The following ADGRL4 variants were observed in gnomAD, a reference collection of about 807,000 sequenced individuals.
The protein encoded by ADGRL4 is adhesion G protein-coupled receptor L4.
ADGRL4 carries 90 observed loss-of-function variants against 74.8 expected under a neutral mutation model. That is an observed-to-expected ratio of 1.20 (90% CI 1.02 to 1.43). The LOEUF is 1.43. Ranked by LOEUF, ADGRL4 falls within the 40% of genes most tolerant of loss-of-function variation. The pLI is 0.00. For synonymous variants in ADGRL4, 311 were observed against 279.2 expected, an observed-to-expected ratio of 1.11 and a Z score of -1.14; for missense variants, 881 against 814.3, an observed-to-expected ratio of 1.08 and a Z score of -1.00.
At chr1:78,938,936 G>T (rs923144153) in intron 4 of ADGRL4, among the ~76,000 whole-genome samples, 2 of 152,030 alleles carry the variant, frequency 1.3e-5, no homozygotes, top group African/African-American at 4.8e-5. Context: ...TACACAAAAA[G>T]AATTTTCCAA....
chr1:78,949,947 G>A (rs1649687344), intron 2 of ADGRL4, among the ~76,000 whole-genome samples: 1 of 152,114 alleles, frequency 6.6e-6, no homozygotes, highest in African/African-American at 2.4e-5. Flanking sequence ...GATACGCTGA[G>A]TTAAGCACGG....
At chr1:78,899,551 C>T (rs866230649) in intron 12 of ADGRL4, among the ~76,000 whole-genome samples, 20 of 152,198 alleles carry the variant, frequency 1.3e-4, no homozygotes, top group Admixed American at 6.6e-4. Flanking sequence ...GATGGGGTTT[C>T]GCCATATTGC....
chr1:78,952,116 T>A lies in ADGRL4; in HGVS notation c.173-5690A>T, dbSNP rs558145211. On this transcript the variant is annotated intron_variant, in intron 2 of 14. Coordinates refer to ENST00000370742, the MANE Select transcript of ADGRL4 (RefSeq NM_022159.4). ...AAAGAAAAAAGAATCGTCTTTTTTT[T>A]ATCACTTGAGATATTATTGGCCGGG... is the stretch of plus-strand genomic sequence containing the variant. Among the ~76,000 whole-genome samples, 5 of 152,216 alleles carry A rather than the reference T, an allele frequency of 3.3e-5. No individual in the cohort carries two copies. In the South Asian group the frequency reaches 6.2e-4, roughly 19 times the overall value.
intron 7 of ADGRL4, among the ~76,000 whole-genome samples, chr1:78,932,606 A>G (rs1290294946): frequency 1.1e-5 from 1 of 88,534 alleles, no homozygotes; most frequent in Non-Finnish European, 2.4e-5. Flanking sequence ...AGACACAAAA[A>G]CCCCTCCAAA....
At chr1:79,002,486 G>A (rs1332835) in intron 2 of ADGRL4, among the ~76,000 whole-genome samples, 1 of 151,932 alleles carries the variant, frequency 6.6e-6, no homozygotes, top group Non-Finnish European at 1.5e-5. Context: ...AAGGCAATGG[G>A]AATTAAGTCA....
At chr1:78,905,811 C>T (rs1648622881) in intron 12 of ADGRL4, among the ~76,000 whole-genome samples, 1 of 151,930 alleles carries the variant, frequency 6.6e-6, no homozygotes, top group Non-Finnish European at 1.5e-5. Flanking sequence ...TCTTTAATAA[C>T]CTTCATAAAG....
intron 2 of ADGRL4, among the ~76,000 whole-genome samples, chr1:78,987,536 C>T (rs1233477971): frequency 6.6e-6 from 1 of 151,664 alleles, no homozygotes; most frequent in Non-Finnish European, 1.5e-5. Context: ...AGTTATTACT[C>T]AATCCACTGT....
At chr1:78,893,540 G>A (rs1218956051) in intron 12 of ADGRL4, among the ~76,000 whole-genome samples, 3 of 151,826 alleles carry the variant, frequency 2.0e-5, no homozygotes, top group African/African-American at 4.8e-5. Context: ...GAAGAAATGT[G>A]TTAGTGATAA....
At chr1:78,981,509 A>G (rs560568829) in intron 2 of ADGRL4, among the ~76,000 whole-genome samples, 123 of 152,032 alleles carry the variant, frequency 8.1e-4, no homozygotes, top group African/African-American at 2.8e-3. Context: ...GTTGATGAAG[A>G]TTATAGGAAT....
intron 2 of ADGRL4, among the ~76,000 whole-genome samples, chr1:78,977,324 A>G (rs889936058): frequency 6.6e-6 from 1 of 151,828 alleles, no homozygotes; most frequent in Non-Finnish European, 1.5e-5. Context: ...AATAGTGAAA[A>G]TTGAATCTGG....
In ADGRL4 at chr1:79,006,679, T is replaced by C; in HGVS notation, c.-25A>G. 1 of 1,483,818 alleles carries C rather than the reference T, an allele frequency of 6.7e-7. No homozygotes were observed. The allele number at this position is 1,483,818 out of a possible 1,614,324, so 91.9% of individuals were successfully genotyped here. A position where few individuals can be genotyped will look rare whatever the true frequency, so the allele number is the denominator to read the frequency against. On this transcript the variant is annotated 5_prime_UTR_variant, in exon 1 of 15. Coordinates refer to ENST00000370742, the MANE Select transcript of ADGRL4 (RefSeq NM_022159.4). ...TTGGCGGTGGCCGCAGTGGTGGCGG[T>C]GGCGGAGAGCGCGGCGGAGTGAGTG... is the stretch of plus-strand genomic sequence containing the variant.
At chr1:78,952,650 C>G (rs886317800) in intron 2 of ADGRL4, among the ~76,000 whole-genome samples, 10 of 152,072 alleles carry the variant, frequency 6.6e-5, no homozygotes, top group African/African-American at 2.4e-4. Flanking sequence ...ACTCACATTT[C>G]CTTGACCATG....
rs149510526 is a variant in ADGRL4, at chr1:78,997,007, T to G, written c.172+8063A>C. ...AAATGAAGCAGAGGTTCTGCAACAATGATTAGCAGGTATGGACTCCATTAC... is the reference window on the plus strand; with the variant it reads ...AAATGAAGCAGAGGTTCTGCAACAAGGATTAGCAGGTATGGACTCCATTAC... On this transcript the variant is annotated intron_variant, in intron 2 of 14. Transcript: ENST00000370742. 2.1e-3 allele frequency among the ~76,000 whole-genome samples: 314 copies of G among 152,264 alleles called. 4 individuals are homozygous for G. Among genetic ancestry groups the G allele is most frequent in the African/African-American group, 7.1e-3 (296 of 41,562 alleles).
rs945583128 is a variant in ADGRL4 at position 78,906,210 on chromosome 1, C to T, written c.1749+11424G>A. Among the ~76,000 whole-genome samples the T allele has an allele frequency of 3.9e-5, 6 of 151,956 alleles. No individual in the cohort carries two copies. The East Asian group carries it at 7.7e-4, about 19-fold the overall frequency. ...ATACTTGTCTATTAGGAAATTAATC[C>T]TCATGCTATAGCTTATAGCTAAATA... On this transcript the variant is annotated intron_variant, in intron 12 of 14. Transcript: ENST00000370742.
At chr1:78,992,332 TA>T (rs1288030614) in intron 2 of ADGRL4, among the ~76,000 whole-genome samples, 2 of 152,048 alleles carry the variant, frequency 1.3e-5, no homozygotes, top group African/African-American at 4.8e-5. Context: ...TAATATAAAT[TA>T]TGTATCTGAA....
At chr1:78,964,638 A>T (rs1164960094) in intron 2 of ADGRL4, among the ~76,000 whole-genome samples, 1 of 152,138 alleles carries the variant, frequency 6.6e-6, no homozygotes, top group Non-Finnish European at 1.5e-5. Context: ...TGTTTCATCA[A>T]TCATAGTAAA....
At chr1:78,962,410 TAA>T (rs1215508534) in intron 2 of ADGRL4, among the ~76,000 whole-genome samples, 6 of 152,160 alleles carry the variant, frequency 3.9e-5, no homozygotes, top group Non-Finnish European at 8.8e-5. Flanking sequence ...ATAAATATGG[TAA>T]GTTTTAGCCT....
rs555660663 is a variant in ADGRL4, at chr1:78,970,799, G to A, written c.173-24373C>T. On this transcript the variant is annotated intron_variant, in intron 2 of 14. Transcript: ENST00000370742. ...ATAGGCAATTGTGTCTCAGTACTAT[G>A]GGACACTCCCCTCAGATGCATCCTC... is the stretch of plus-strand genomic sequence containing the variant. 3.9e-5 allele frequency among the ~76,000 whole-genome samples: 6 copies of A among 152,206 alleles called. No homozygotes were observed. The South Asian group carries it at 1.2e-3, about 32-fold the overall frequency.
intron 2 of ADGRL4, among the ~76,000 whole-genome samples, chr1:79,001,159 G>C (rs1371706449): frequency 4.9e-5 from 2 of 40,606 alleles, no homozygotes; most frequent in Non-Finnish European, 9.7e-5. Context: ...AAGACAGAAG[G>C]AAGGAAGGAA....
Sources: gnomAD v4.1 joint callset for allele counts (sites outside exome capture counted in the v4.1 genomes callset) on GRCh38, gnomAD v4.1.1 for gene constraint, MANE v1.5 for transcripts, NCBI Gene and HGNC (gene_info 2026-07-23, HGNC 2026-07-21) for gene names.